Variants in C7orf78 observed in about 807,000 individuals in gnomAD.
C7orf78 encodes putative uncharacterized protein C7orf78.
At chr7:12,490,047 T>G in the C7orf78 span, among the ~76,000 whole-genome samples, 1 of 152,296 alleles carries the variant, frequency 6.6e-6, no homozygotes, top group African/African-American at 2.4e-5. Context: ...TATTTCTATA[T>G]AGAATGGTTA....
the C7orf78 span, among the ~76,000 whole-genome samples, chr7:12,518,673 G>A: frequency 1.3e-5 from 2 of 152,158 alleles, no homozygotes; most frequent in African/African-American, 4.8e-5. Flanking sequence ...CTTGGGTGGT[G>A]TGCTCAGGCT....
chr7:12,532,283 C>T, the C7orf78 span, among the ~76,000 whole-genome samples: 2 of 152,312 alleles, frequency 1.3e-5, no homozygotes, highest in East Asian at 1.9e-4. Flanking sequence ...GGCATGGTGG[C>T]TCACGCCTGT....
chr7:12,523,413 A>T, the C7orf78 span: 351 of 398,274 alleles, frequency 8.8e-4, no homozygotes, highest in African/African-American at 6.6e-3. Context: ...CCCAAACCAC[A>T]TGACTTTCGA....
At chr7:12,513,772 G>A in the C7orf78 span, among the ~76,000 whole-genome samples, 12 of 152,208 alleles carry the variant, frequency 7.9e-5, no homozygotes, top group Middle Eastern at 3.4e-3. Flanking sequence ...AGGCCGAGGC[G>A]GGTGGATCAC....
the C7orf78 span, among the ~76,000 whole-genome samples, chr7:12,495,415 G>T: frequency 6.6e-6 from 1 of 152,132 alleles, no homozygotes; most frequent in Admixed American, 6.5e-5. Flanking sequence ...ACTGCCAGTC[G>T]TCTTATTGTG....
chr7:12,524,145 C>A, the C7orf78 span, among the ~76,000 whole-genome samples: 1 of 152,140 alleles, frequency 6.6e-6, no homozygotes, highest in Non-Finnish European at 1.5e-5. Context: ...CTTCTAAGAT[C>A]AGAGTATCCC....
the C7orf78 span, among the ~76,000 whole-genome samples, chr7:12,517,543 C>A: frequency 1.3e-5 from 2 of 152,106 alleles, no homozygotes; most frequent in Non-Finnish European, 2.9e-5. Context: ...TTTATAGTGT[C>A]CCATATGTTA....
the C7orf78 span, among the ~76,000 whole-genome samples, chr7:12,513,957 G>A: frequency 7.9e-5 from 12 of 152,020 alleles, no homozygotes; most frequent in Middle Eastern, 3.2e-3. Flanking sequence ...CTGAGATCAC[G>A]CCACTGCACT....
chr7:12,521,920 T>C, the C7orf78 span, among the ~76,000 whole-genome samples: 1 of 151,990 alleles, frequency 6.6e-6, no homozygotes, highest in East Asian at 1.9e-4. Flanking sequence ...TACATGCTTC[T>C]TGTTTTTCTC....
At chr7:12,485,789 C>T in the C7orf78 span, among the ~76,000 whole-genome samples, 1 of 133,452 alleles carries the variant, frequency 7.5e-6, no homozygotes, top group African/African-American at 2.8e-5. Flanking sequence ...CTTTTCTCTA[C>T]ACCATCATTC....
the C7orf78 span, among the ~76,000 whole-genome samples, chr7:12,527,493 G>A: frequency 1.2e-5 from 1 of 86,954 alleles, no homozygotes; most frequent in East Asian, 3.4e-4. Flanking sequence ...GAACATGTCA[G>A]CTTTCCTAGT....
chr7:12,540,943 T>C, the C7orf78 span: 15 of 152,194 alleles, frequency 9.9e-5, no homozygotes, highest in Admixed American at 6.5e-4. Context: ...CAAAACAGCA[T>C]AGGGCTTCCT....
the C7orf78 span, among the ~76,000 whole-genome samples, chr7:12,492,526 A>G: frequency 6.6e-6 from 1 of 152,224 alleles, no homozygotes; most frequent in Non-Finnish European, 1.5e-5. Context: ...GTAGATCATA[A>G]GATGCAAATT....
the C7orf78 span, among the ~76,000 whole-genome samples, chr7:12,486,101 G>A: frequency 2.0e-5 from 3 of 152,022 alleles, no homozygotes; most frequent in African/African-American, 7.2e-5. Flanking sequence ...TGCCTAGAAG[G>A]AAATGTAACC....
chr7:12,484,372 T>C, the C7orf78 span, among the ~76,000 whole-genome samples: 4 of 152,222 alleles, frequency 2.6e-5, no homozygotes, highest in African/African-American at 9.6e-5. Flanking sequence ...TCTGCTTCTG[T>C]CATGTACTTT....
At chr7:12,498,444 C>G in the C7orf78 span, among the ~76,000 whole-genome samples, 5 of 151,060 alleles carry the variant, frequency 3.3e-5, no homozygotes, top group Non-Finnish European at 5.9e-5. Context: ...AATGCAGAAG[C>G]CTCAGGAGCC....
the C7orf78 span, among the ~76,000 whole-genome samples, chr7:12,509,609 T>A: frequency 6.6e-6 from 1 of 152,184 alleles, no homozygotes; most frequent in Non-Finnish European, 1.5e-5. Context: ...TTTATTCTCA[T>A]AACCCCCTCT....
chr7:12,536,903 C>T, the C7orf78 span, among the ~76,000 whole-genome samples: 2 of 152,300 alleles, frequency 1.3e-5, no homozygotes, highest in Admixed American at 6.5e-5. Flanking sequence ...GAGACGACCT[C>T]AGCCTGGACT....
At chr7:12,498,112 G>A in the C7orf78 span, among the ~76,000 whole-genome samples, 9 of 151,976 alleles carry the variant, frequency 5.9e-5, no homozygotes, top group African/African-American at 2.2e-4. Flanking sequence ...ACCAAAAGCA[G>A]ATAAAACCAC....
Sources: allele counts gnomAD v4.1 joint callset (sites outside exome capture counted in the v4.1 genomes callset), GRCh38; gene constraint gnomAD v4.1.1; transcripts MANE v1.5; gene names NCBI Gene and HGNC (gene_info 2026-07-23, HGNC 2026-07-21).